ARFGEF3: variants seen among roughly 807,000 people sequenced by gnomAD.
ARFGEF3 encodes ARFGEF family member 3.
ARFGEF3 carries 96 observed loss-of-function variants against 221.7 expected under a neutral mutation model. The ratio of observed to expected loss-of-function variants is 0.43; its 90% confidence interval spans 0.37 to 0.51. ARFGEF3 has a LOEUF of 0.51. Ranked by LOEUF, ARFGEF3 falls within the 20% of genes least tolerant of loss-of-function variation. The pLI, the probability that ARFGEF3 is intolerant of heterozygous loss-of-function variation, is 0.00. For missense variants in ARFGEF3, 2,410 were observed against 2,789.9 expected, an observed-to-expected ratio of 0.86 and a Z score of 3.07; for synonymous variants, 1,145 against 1,126.8, an observed-to-expected ratio of 1.02 and a Z score of -0.32.
intron 22 of ARFGEF3, among the ~76,000 whole-genome samples, chr6:138,306,972 G>T (rs201345804): frequency 7.9e-6 from 1 of 126,306 alleles, no homozygotes; most frequent in African/African-American, 3.0e-5. Context: ...AAAAAAAAAA[G>T]AAAATAACAA....
chr6:138,218,544 G>A, intron 4 of ARFGEF3: 2 of 1,310,008 alleles, frequency 1.5e-6, no homozygotes, highest in African/African-American at 1.5e-5. Context: ...CTCTTTAGCT[G>A]AGCCAATGTT....
At position 138,290,682 on chromosome 6, in the gene ARFGEF3, C is replaced by T. The variant is rs1414911579; in HGVS notation, c.3047+714C>T. Among the ~76,000 whole-genome samples the T allele has an allele frequency of 5.9e-5, 9 of 152,276 alleles. No individual in the cohort carries two copies. In the South Asian group the frequency reaches 1.5e-3, roughly 25 times the overall value. On this transcript the variant is annotated intron_variant, in intron 18 of 33. Coordinates refer to ENST00000251691, the MANE Select transcript of ARFGEF3 (RefSeq NM_020340.5). ...AAGGAGCACTGCCCATGGAACAGGG[C>T]GGGGGCTGGCCACACTGTTCCTTCT...
intron 2 of ARFGEF3, among the ~76,000 whole-genome samples, chr6:138,188,061 G>T (rs1183245641): frequency 6.6e-6 from 1 of 152,170 alleles, no homozygotes; most frequent in East Asian, 1.9e-4. Flanking sequence ...TAATACTTGA[G>T]TATTTGTTTA....
intron 7 of ARFGEF3, among the ~76,000 whole-genome samples, chr6:138,243,219 T>C (rs1778426051): frequency 6.6e-6 from 1 of 152,198 alleles, no homozygotes; most frequent in Non-Finnish European, 1.5e-5. Context: ...CTGATCTAAC[T>C]ACCTGAGGGA....
intron 32 of ARFGEF3, among the ~76,000 whole-genome samples, chr6:138,329,156 A>C (rs1402167385): frequency 6.6e-6 from 1 of 152,188 alleles, no homozygotes; most frequent in Non-Finnish European, 1.5e-5. Flanking sequence ...CTCCCTTAAA[A>C]ATATGGTTCC....
intron 2 of ARFGEF3, among the ~76,000 whole-genome samples, chr6:138,200,880 A>G (rs1247085595): frequency 6.6e-6 from 1 of 152,238 alleles, no homozygotes; most frequent in Non-Finnish European, 1.5e-5. Flanking sequence ...TCAGCAGAGT[A>G]AACAGACAAC....
chr6:138,269,999 T>C (rs1443980436), intron 12 of ARFGEF3, among the ~76,000 whole-genome samples: 1 of 152,080 alleles, frequency 6.6e-6, no homozygotes, highest in East Asian at 1.9e-4. Context: ...CTGAGACAGC[T>C]GGTGCTGGCG....
At chr6:138,305,808 C>T (rs1045292813) in intron 22 of ARFGEF3, among the ~76,000 whole-genome samples, 2 of 152,022 alleles carry the variant, frequency 1.3e-5, no homozygotes, top group Non-Finnish European at 2.9e-5. Context: ...AATTCATCAC[C>T]CATTTTTGAC....
intron 2 of ARFGEF3, among the ~76,000 whole-genome samples, chr6:138,175,610 C>A (rs1392934110): frequency 6.6e-6 from 1 of 152,184 alleles, no homozygotes; most frequent in South Asian, 2.1e-4. Context: ...TGACCAAGTA[C>A]AGTTGCCACT....
At chr6:138,250,941 C>T (rs528088012) in intron 8 of ARFGEF3, among the ~76,000 whole-genome samples, 2 of 152,320 alleles carry the variant, frequency 1.3e-5, no homozygotes, top group Admixed American at 6.5e-5. Context: ...TGTACAAGGA[C>T]AGCTTTTACA....
chr6:138,166,366 G>A (rs1363691609), intron 1 of ARFGEF3, among the ~76,000 whole-genome samples: 2 of 152,164 alleles, frequency 1.3e-5, no homozygotes, highest in African/African-American at 4.8e-5. Context: ...TTGACATTTT[G>A]GAGTCTTTCC....
chr6:138,289,300 G>A (rs1278059423), intron 17 of ARFGEF3, among the ~76,000 whole-genome samples: 2 of 152,208 alleles, frequency 1.3e-5, no homozygotes. Context: ...CAAACTCAAG[G>A]GATGAAATGA....
intron 4 of ARFGEF3, among the ~76,000 whole-genome samples, chr6:138,226,227 C>G (rs141900092): frequency 1.3e-5 from 2 of 152,182 alleles, no homozygotes; most frequent in Admixed American, 1.3e-4. Context: ...CATTATCTGT[C>G]CACATCCATC....
In ARFGEF3 at chr6:138,238,631, G is replaced by A. The variant is rs1778338780; in HGVS notation, c.543G>A (p.Thr181=). 2.5e-6 allele frequency: 4 copies of A among 1,612,938 alleles called. No homozygotes were observed. Among genetic ancestry groups the A allele is most frequent in the African/African-American group, 1.3e-5 (1 of 75,004 alleles). ...AGTTACGACAGAGGCAGGAGAATACGGTGAGTCTGTGACACCCCCATGTTC... is the reference window on the plus strand; with the variant it reads ...AGTTACGACAGAGGCAGGAGAATACAGTGAGTCTGTGACACCCCCATGTTC... ...TLQLRQRQEN[T]IIENPDVPQD... The change falls in exon 6 of 34, where the codon ACG becomes ACA. Residue 181 remains threonine, a splice_region_variant and synonymous_variant. Coordinates refer to ENST00000251691, the MANE Select transcript of ARFGEF3 (RefSeq NM_020340.5).
At position 138,238,118 on chromosome 6, in the gene ARFGEF3, T is replaced by C. The variant is rs1398683714; in HGVS notation, c.421-391T>C. On this transcript the variant is annotated intron_variant, in intron 5 of 33. Coordinates refer to ENST00000251691, the MANE Select transcript of ARFGEF3 (RefSeq NM_020340.5). The stretch of plus-strand genomic sequence containing the variant: ...GCAGGAGAAAGCGTTTTGCTAACCC[T>C]TTTCCCACACTGCACAACCTGGGAG... 2.6e-5 allele frequency among the ~76,000 whole-genome samples: 4 copies of C among 152,292 alleles called. No individual in the cohort carries two copies. The South Asian group carries it at 8.3e-4, about 32-fold the overall frequency.
In ARFGEF3 at chr6:138,336,375, A is replaced by T; in HGVS notation, c.6423A>T (p.Ala2141=). The T allele has an allele frequency of 1.2e-6, 2 of 1,613,096 alleles. No homozygotes were observed. The highest frequency in any genetic ancestry group is 1.7e-5 in the Admixed American group (1 of 59,860). The change falls in exon 34 of 34, where the codon GCA becomes GCT. Residue 2141 remains alanine (A), a synonymous_variant. Transcript: ENST00000251691. ...AGACCTTCACGGCCCTCCAGCCCGC[A>T]GTGTTCCCGTGCATCAGTCAGCTGA... ...PDQTFTALQP[A]VFPCISQLTC...
intron 12 of ARFGEF3, among the ~76,000 whole-genome samples, chr6:138,266,810 C>G (rs1234889178): frequency 7.1e-6 from 1 of 140,312 alleles, no homozygotes; most frequent in Non-Finnish European, 1.5e-5. Flanking sequence ...GATCGCACCA[C>G]TGCACTCCAG....
rs764393637 is a variant in ARFGEF3, at chr6:138,323,765, C to T, written c.4861C>T (p.Pro1621Ser). Reference protein sequence around the residue: ...LQDAFSATLKPVKDLLGCFHS... With the variant: ...LQDAFSATLKSVKDLLGCFHS... Reference sequence around the variant, plus strand: ...AGATGCGTTCTCTGCCACACTCAAGCCAGTGAAGGTACATCACTGGGAGGA... The same window carrying T: ...AGATGCGTTCTCTGCCACACTCAAGTCAGTGAAGGTACATCACTGGGAGGA... Residue 1621 changes from proline to serine, a missense_variant, in exon 30 of 34, where the codon CCA becomes TCA. Pro to Ser is a moderately conservative substitution (Grantham distance 74). Transcript: ENST00000251691. 1.2e-6 allele frequency: 2 copies of T among 1,613,864 alleles called. No individual in the cohort carries two copies. The highest frequency in any genetic ancestry group is 1.7e-6 in the Non-Finnish European group (2 of 1,179,786).
chr6:138,321,004 G>C, intron 28 of ARFGEF3, 107 bp from the exon 29 acceptor site: 1 of 669,590 alleles, frequency 1.5e-6, no homozygotes, highest in Non-Finnish European at 2.6e-6. Context: ...CTTTTTCCCA[G>C]ATATTTGCTT....
Sources: gnomAD v4.1 joint callset for allele counts (sites outside exome capture counted in the v4.1 genomes callset) on GRCh38, gnomAD v4.1.1 for gene constraint, MANE v1.5 for transcripts, NCBI Gene and HGNC (gene_info 2026-07-23, HGNC 2026-07-21) for gene names.